The following RUNX1T1 variants were observed in gnomAD, a reference collection of about 807,000 sequenced individuals.
RUNX1T1 encodes protein CBFA2T1.
In RUNX1T1, 4 loss-of-function variants were observed where a neutral mutation model predicts 62.8. The observed-to-expected ratio is 0.06, with a 90% CI of 0.03 to 0.15. The LOEUF (loss-of-function observed/expected upper bound fraction) is 0.15. Ranked by LOEUF, RUNX1T1 falls within the 10% of genes least tolerant of loss-of-function variation. The probability of loss-of-function intolerance (pLI) is 1.00; values close to 1 mark genes in which losing one functional copy is unlikely to be tolerated. For missense variants in RUNX1T1, 508 were observed against 754.3 expected (o/e 0.67, Z 3.82); for synonymous variants, 291 against 286.0 (o/e 1.02, Z -0.18).
chr8:91,974,911 AG>A (rs1455119082), intron 9 of RUNX1T1, among the ~76,000 whole-genome samples: 2 of 152,226 alleles, frequency 1.3e-5, no homozygotes, highest in Non-Finnish European at 2.9e-5. Context: ...CTAGAGAGTC[AG>A]CAAGTTACAC....
rs147247546 is a variant in RUNX1T1, at chr8:92,055,085, T to C, written c.7+7461A>G. On this transcript the variant is annotated intron_variant, in intron 1 of 10. Transcript: ENST00000396218. ...GCTTGTGATTAGTAAGTACAACAATTTTAAACAGTGAATGAAAGTAACTAT... is the reference window on the plus strand; with the variant it reads ...GCTTGTGATTAGTAAGTACAACAATCTTAAACAGTGAATGAAAGTAACTAT... 9.2e-5 allele frequency among the ~76,000 whole-genome samples: 14 copies of C among 152,222 alleles called. No individual in the cohort carries two copies. The East Asian group carries it at 2.5e-3, about 27-fold the overall frequency.
intron 1 of RUNX1T1, among the ~76,000 whole-genome samples, chr8:92,022,064 T>C (rs1299816533): frequency 6.6e-6 from 1 of 151,920 alleles, no homozygotes; most frequent in Non-Finnish European, 1.5e-5. Context: ...GACACATGTA[T>C]ATATTATACA....
intron 1 of RUNX1T1, among the ~76,000 whole-genome samples, chr8:92,049,861 T>C (rs2130352552): frequency 6.6e-6 from 1 of 152,318 alleles, no homozygotes; most frequent in African/African-American, 2.4e-5. Flanking sequence ...CTGTTCTTGC[T>C]ATTAAGTGCA....
chr8:91,986,763 T>G, intron 7 of RUNX1T1, 124 bp downstream of exon 8: 1 of 691,112 alleles, frequency 1.4e-6, no homozygotes, highest in Non-Finnish European at 2.6e-6. Context: ...CGCTCATTTT[T>G]TTTTCAAGGA....
At chr8:92,088,568 G>A (rs1229653249) in intron 1 of RUNX1T1, among the ~76,000 whole-genome samples, 1 of 152,180 alleles carries the variant, frequency 6.6e-6, no homozygotes, top group African/African-American at 2.4e-5. Context: ...ACCATGATCT[G>A]TGCCAACCCT....
chr8:92,063,541 A>G (rs1020627406), upstream of RUNX1T1: 1 of 152,178 alleles, frequency 6.6e-6, no homozygotes, highest in African/African-American at 2.4e-5. Context: ...ACTCTTCCCT[A>G]TTAAGCTTTA....
chr8:92,021,721 C>T (rs545032234), intron 1 of RUNX1T1, among the ~76,000 whole-genome samples: 62 of 152,056 alleles, frequency 4.1e-4, no homozygotes, highest in African/African-American at 1.3e-3. Flanking sequence ...TGAGATTGCA[C>T]GTTTTAAACC....
At chr8:91,960,280 G>C (rs1586676781) in exon 11 of RUNX1T1, 1 of 1,610,050 alleles carries the variant, frequency 6.2e-7, no homozygotes, top group African/African-American at 1.3e-5. Flanking sequence ...GGGGTTCCCG[G>C]GGTGGTTGAC....
chr8:92,049,590 T>C (rs559098349), intron 1 of RUNX1T1, among the ~76,000 whole-genome samples: 6 of 152,198 alleles, frequency 3.9e-5, no homozygotes, highest in Non-Finnish European at 7.4e-5. Context: ...CCTTAAGCAT[T>C]ATTTGTTTTC....
intron 8 of RUNX1T1, among the ~76,000 whole-genome samples, chr8:91,981,546 C>A (rs1563661417): frequency 6.6e-6 from 1 of 150,764 alleles, no homozygotes; most frequent in Non-Finnish European, 1.5e-5. Context: ...TCCCGAGTAG[C>A]TGGGACTACA....
At chr8:92,069,427 A>G (rs1833352427) in intron 2 of RUNX1T1, among the ~76,000 whole-genome samples, 1 of 152,060 alleles carries the variant, frequency 6.6e-6, no homozygotes, top group Non-Finnish European at 1.5e-5. Context: ...AAATCCCAGA[A>G]TTTTTTTCAT....
chr8:92,008,686 A>G (rs1341544689), intron 4 of RUNX1T1, among the ~76,000 whole-genome samples: 1 of 152,194 alleles, frequency 6.6e-6, no homozygotes, highest in Non-Finnish European at 1.5e-5. Flanking sequence ...GCTCCCATCC[A>G]GAAACAGCCT....
At chr8:92,102,805 G>C (rs1347345487), upstream of RUNX1T1, 5 of 1,481,288 alleles carry the variant, frequency 3.4e-6, no homozygotes, top group East Asian at 8.3e-5. This position sits in a 1 kb window ranked among gnomAD's most constrained non-coding sequence, Gnocchi z 4.5. Flanking sequence ...TAACAGTCAG[G>C]GGCCCGACCC....
At chr8:92,033,843 T>C (rs530366121) in intron 1 of RUNX1T1, among the ~76,000 whole-genome samples, 1 of 152,038 alleles carries the variant, frequency 6.6e-6, no homozygotes, top group East Asian at 1.9e-4. Flanking sequence ...GGTGGCATGC[T>C]CCTGTAGTCC....
At chr8:91,992,226 A>G (rs1459215217) in intron 5 of RUNX1T1, among the ~76,000 whole-genome samples, 2 of 152,170 alleles carry the variant, frequency 1.3e-5, no homozygotes, top group Non-Finnish European at 2.9e-5. Flanking sequence ...ATTTCTAACA[A>G]GTTACCCTAA....
intron 1 of RUNX1T1, among the ~76,000 whole-genome samples, chr8:92,098,501 C>T (rs974577314): frequency 6.6e-6 from 1 of 152,188 alleles, no homozygotes; most frequent in African/African-American, 2.4e-5. Flanking sequence ...AAATTGCACA[C>T]TGAACCTCAC....
chr8:91,977,223 A>G (rs1161485930), intron 8 of RUNX1T1: 1 of 196,880 alleles, frequency 5.1e-6, no homozygotes, highest in Non-Finnish European at 1.1e-5. Flanking sequence ...AATTTACTAC[A>G]GCTTGGTGAG....
At chr8:92,062,883 C>T in exon 1 of RUNX1T1, 1 of 1,356,334 alleles carries the variant, frequency 7.4e-7, no homozygotes, top group South Asian at 1.6e-5. Flanking sequence ...TAGCACTCCA[C>T]CTCTCTCTGC....
chr8:92,024,497 CAAAAA>C (rs34547904), intron 1 of RUNX1T1, among the ~76,000 whole-genome samples: 3 of 17,534 alleles, frequency 1.7e-4, no homozygotes, highest in South Asian at 3.4e-3. Context: ...AACCCCAACT[CAAAAA>C]AAAAAAAAAA....
Sources: gnomAD v4.1 joint callset for allele counts (sites outside exome capture counted in the v4.1 genomes callset) on GRCh38, gnomAD v4.1.1 for gene constraint, Gnocchi (gnomAD v3.1) non-coding constraint, MANE v1.5 for transcripts, NCBI Gene and HGNC (gene_info 2026-07-23, HGNC 2026-07-21) for gene names.